DLGAP1: variants seen among roughly 807,000 people sequenced by gnomAD.
DLGAP1 encodes disks large-associated protein 1.
A neutral mutation model predicts 90.8 loss-of-function variants in DLGAP1; 11 were observed. The ratio of observed to expected loss-of-function variants is 0.12; its 90% CI spans 0.08 to 0.20. The LOEUF (loss-of-function observed/expected upper bound fraction) is 0.20. Among genes scored for constraint, DLGAP1 ranks in the 10% least tolerant of loss-of-function variants. The pLI is 1.00. For missense variants in DLGAP1, 1,050 were observed against 1,333.8 expected, an observed-to-expected ratio of 0.79 and a Z score of 3.31; for synonymous variants, 558 against 540.7, an observed-to-expected ratio of 1.03 and a Z score of -0.44.
At chr18:3,787,204 C>T (rs928709229) in intron 5 of DLGAP1, among the ~76,000 whole-genome samples, 1 of 151,990 alleles carries the variant, frequency 6.6e-6, no homozygotes, top group African/African-American at 2.4e-5. Context: ...ATGAGAGGGG[C>T]CAGGCGTGGT....
chr18:3,962,193 G>T (rs1344920763), intron 3 of DLGAP1, among the ~76,000 whole-genome samples: 1 of 152,184 alleles, frequency 6.6e-6, no homozygotes, highest in Non-Finnish European at 1.5e-5. Context: ...AATATCTGCA[G>T]TCCTTCTTTT....
intron 3 of DLGAP1, among the ~76,000 whole-genome samples, chr18:3,967,398 G>A (rs1418188099): frequency 6.6e-6 from 1 of 152,190 alleles, no homozygotes; most frequent in Non-Finnish European, 1.5e-5. Flanking sequence ...TGATTCTCAA[G>A]ATGTGGTACT....
At chr18:4,431,687 T>C (rs913989782) in intron 1 of DLGAP1, among the ~76,000 whole-genome samples, 2 of 152,234 alleles carry the variant, frequency 1.3e-5, no homozygotes, top group African/African-American at 2.4e-5. Context: ...AGGCAACTCA[T>C]ATTATTAATG....
intron 4 of DLGAP1, among the ~76,000 whole-genome samples, chr18:3,817,135 G>A (rs564885631): frequency 2.6e-5 from 4 of 152,208 alleles, no homozygotes; most frequent in East Asian, 3.9e-4. Flanking sequence ...CATAGATGAC[G>A]CACACCACAC....
At chr18:4,414,347 G>C (rs911124731) in intron 1 of DLGAP1, among the ~76,000 whole-genome samples, 1 of 152,120 alleles carries the variant, frequency 6.6e-6, no homozygotes, top group Non-Finnish European at 1.5e-5. Context: ...TTTAGATTTG[G>C]TGTACACAGA....
intron 1 of DLGAP1, among the ~76,000 whole-genome samples, chr18:4,380,127 T>C (rs2082086062): frequency 6.6e-6 from 1 of 152,182 alleles, no homozygotes; most frequent in South Asian, 2.1e-4. Flanking sequence ...AGTAAAATTA[T>C]ACTCATGACT....
chr18:4,078,765 C>T (rs188023598), intron 2 of DLGAP1, among the ~76,000 whole-genome samples: 60 of 152,118 alleles, frequency 3.9e-4, no homozygotes, highest in African/African-American at 1.1e-3. Flanking sequence ...GGGAGGAAGA[C>T]GGGAGGTATG....
intron 3 of DLGAP1, among the ~76,000 whole-genome samples, chr18:3,977,328 T>C (rs569478271): frequency 2.6e-5 from 4 of 152,248 alleles, no homozygotes; most frequent in East Asian, 3.9e-4. Context: ...TGCCTTGGCC[T>C]CTCAAAGTGC....
intron 10 of DLGAP1, among the ~76,000 whole-genome samples, chr18:3,516,844 A>G (rs516755): frequency 0.77 from 117,083 of 152,106 alleles, 45,105 homozygotes; most frequent in Admixed American, 0.82. Flanking sequence ...CCCACAACAT[A>G]TGGGAATTAT....
intron 4 of DLGAP1, chr18:3,845,629 T>G: frequency 2.0e-6 from 2 of 985,282 alleles, no homozygotes; most frequent in African/African-American, 3.5e-5. Flanking sequence ...CAGTAAATTC[T>G]GGGCTATTGA....
intron 1 of DLGAP1, among the ~76,000 whole-genome samples, chr18:4,336,712 A>G (rs985345857): frequency 2.6e-5 from 4 of 152,196 alleles, no homozygotes; most frequent in African/African-American, 9.7e-5. Context: ...TACTATTAAC[A>G]GTTGATATGG....
At chr18:3,989,631 A>G (rs1215008119) in intron 3 of DLGAP1, among the ~76,000 whole-genome samples, 3 of 152,234 alleles carry the variant, frequency 2.0e-5, no homozygotes, top group Non-Finnish European at 4.4e-5. Context: ...TTGAAGTTAA[A>G]AAACAAAGGA....
rs567317287 is a variant in DLGAP1 at position 4,112,325 on chromosome 18, G to T, written c.-159+38855C>A. ...AATTTCTTTGAATTTATTGAGGCTT[G>T]TCTATGGACTCCTATATGGTCTACC... On this transcript the variant is annotated intron_variant, in intron 2 of 12. Coordinates refer to ENST00000315677, the MANE Select transcript of DLGAP1 (RefSeq NM_004746.4). 1.1e-3 allele frequency among the ~76,000 whole-genome samples: 160 copies of T among 152,138 alleles called. 5 individuals carry two copies. In the South Asian group the frequency reaches 0.032, roughly 30 times the overall value.
intron 7 of DLGAP1, among the ~76,000 whole-genome samples, chr18:3,691,202 A>G (rs1435024131): frequency 1.3e-5 from 2 of 152,140 alleles, no homozygotes; most frequent in African/African-American, 2.4e-5. Context: ...TAATCCCAGC[A>G]CTTTGGGAGG....
chr18:4,006,780 A>G (rs2074310516), intron 2 of DLGAP1, among the ~76,000 whole-genome samples: 1 of 151,828 alleles, frequency 6.6e-6, no homozygotes, highest in South Asian at 2.1e-4. Context: ...CAAATAGCTG[A>G]GACTACAGGG....
chr18:4,197,325 G>C (rs962417028), intron 1 of DLGAP1, among the ~76,000 whole-genome samples: 2 of 152,150 alleles, frequency 1.3e-5, no homozygotes, highest in South Asian at 2.1e-4. Flanking sequence ...CGAGAAGAAG[G>C]CATGTTGGTA....
chr18:4,207,640 G>A (rs2077749605), intron 1 of DLGAP1, among the ~76,000 whole-genome samples: 1 of 152,098 alleles, frequency 6.6e-6, no homozygotes, highest in Non-Finnish European at 1.5e-5. Flanking sequence ...GAGGGTTTGG[G>A]AGCAGCTTCT....
At chr18:4,311,936 G>T (rs774105083) in intron 1 of DLGAP1, among the ~76,000 whole-genome samples, 4 of 152,122 alleles carry the variant, frequency 2.6e-5, no homozygotes, top group Non-Finnish European at 4.4e-5. Flanking sequence ...GGCTGGTCTC[G>T]AACTCCTGAC....
chr18:3,956,388 C>T (rs1002040270), intron 3 of DLGAP1, among the ~76,000 whole-genome samples: 6 of 151,980 alleles, frequency 3.9e-5, no homozygotes, highest in South Asian at 2.1e-4. Context: ...CTCGCTCTGT[C>T]GCCCAGGCTG....
Sources: gnomAD v4.1 joint callset for allele counts (sites outside exome capture counted in the v4.1 genomes callset) on GRCh38, gnomAD v4.1.1 for gene constraint, MANE v1.5 for transcripts, NCBI Gene and HGNC (gene_info 2026-07-23, HGNC 2026-07-21) for gene names.